AP3B1: variants seen among roughly 807,000 people sequenced by gnomAD.
AP3B1 encodes the protein adaptor related protein complex 3 subunit beta 1, also known as AP-3 complex subunit beta-1.
A neutral mutation model predicts 132.5 loss-of-function variants in AP3B1; 61 were observed. The ratio of observed to expected loss-of-function variants is 0.46; its 90% CI spans 0.37 to 0.57. AP3B1 has a LOEUF of 0.57. AP3B1 is among the 20% of genes least tolerant of loss of function. AP3B1 has a pLI of 0.00. For synonymous variants in AP3B1, 388 were observed against 438.3 expected (o/e 0.89, Z 1.43); for missense variants, 1,120 against 1,289.4 (o/e 0.87, Z 2.01).
chr5:78,100,870 G>A (rs1242624884), intron 21 of AP3B1, 83 bp downstream of exon 21: 1 of 771,748 alleles, frequency 1.3e-6, no homozygotes, highest in Non-Finnish European at 2.1e-6. Context: ...GATATATTTT[G>A]GGACATGTAA....
chr5:78,180,065 T>C (rs957741425), intron 8 of AP3B1, among the ~76,000 whole-genome samples: 2 of 152,132 alleles, frequency 1.3e-5, no homozygotes, highest in Non-Finnish European at 2.9e-5. Flanking sequence ...CAGCTTAAGA[T>C]GGCAAATTAC....
intron 11 of AP3B1, among the ~76,000 whole-genome samples, chr5:78,169,274 C>A (rs543593304): frequency 6.6e-6 from 1 of 152,070 alleles, no homozygotes; most frequent in Non-Finnish European, 1.5e-5. Context: ...CTACTCTAAC[C>A]CTTCGACCTC....
chr5:78,195,588 G>A (rs1399756702), intron 7 of AP3B1, among the ~76,000 whole-genome samples: 1 of 152,184 alleles, frequency 6.6e-6, no homozygotes, highest in African/African-American at 2.4e-5. Context: ...GGGAAGCTGA[G>A]GAGGGCAGAT....
intron 1 of AP3B1, 153 bp downstream of exon 1, chr5:78,294,298 AC>A: frequency 9.5e-7 from 1 of 1,047,144 alleles, no homozygotes; most frequent in Non-Finnish European, 1.4e-6. Context: ...CCGCCAACCA[AC>A]CCCACCTACC....
intron 2 of AP3B1, among the ~76,000 whole-genome samples, chr5:78,261,715 C>G (rs992180193): frequency 6.6e-6 from 1 of 151,544 alleles, no homozygotes; most frequent in African/African-American, 2.4e-5. Flanking sequence ...ATCTGCCCAC[C>G]TCGGCCTCCC....
chr5:78,188,168 CATGGACA>C (rs1744680868), intron 7 of AP3B1, among the ~76,000 whole-genome samples: 1 of 152,156 alleles, frequency 6.6e-6, no homozygotes, highest in Non-Finnish European at 1.5e-5. Context: ...AGGACATCAG[CATGGACA>C]AAGACTTTAT....
intron 15 of AP3B1, among the ~76,000 whole-genome samples, chr5:78,130,479 A>G (rs912470154): frequency 2.0e-5 from 3 of 152,180 alleles, no homozygotes; most frequent in Admixed American, 2.0e-4. Flanking sequence ...AAAAGGATTA[A>G]CCCAGTTTTA....
rs568446107 is a variant in AP3B1, at chr5:78,087,193, T to A, written c.2577+2200A>T. Among the ~76,000 whole-genome samples, 9 of 152,342 alleles carry A rather than the reference T, an allele frequency of 5.9e-5. No individual in the cohort carries two copies. In the South Asian group the frequency reaches 1.9e-3, roughly 32 times the overall value. On this transcript the variant is annotated intron_variant, in intron 22 of 26. Coordinates refer to ENST00000255194, the MANE Select transcript of AP3B1 (RefSeq NM_003664.5). Reference sequence around the variant, plus strand: ...AATTATAGATGTACTCTATCATCTATGAACTTCATTTCAGGATCCAAAAAA... The same window carrying A: ...AATTATAGATGTACTCTATCATCTAAGAACTTCATTTCAGGATCCAAAAAA...
intron 26 of AP3B1, among the ~76,000 whole-genome samples, chr5:78,007,190 C>T (rs930876455): frequency 2.0e-5 from 3 of 152,162 alleles, no homozygotes; most frequent in Admixed American, 6.5e-5. Flanking sequence ...TTAACATTAA[C>T]GGTACAGCAT....
At chr5:78,251,891 G>T (rs1388843133) in intron 2 of AP3B1, among the ~76,000 whole-genome samples, 1 of 152,182 alleles carries the variant, frequency 6.6e-6, no homozygotes. Context: ...CTAACCCCAG[G>T]TTGCACAGCT....
chr5:78,039,177 G>C lies in AP3B1; in HGVS notation c.2675C>G (p.Pro892Arg), dbSNP rs1282645145. The change falls in exon 23 of 27, where the codon CCT becomes CGT. Residue 892 changes from proline to arginine, a missense_variant. Pro to Arg is a moderately radical substitution (Grantham distance 103). Coordinates refer to ENST00000255194, the MANE Select transcript of AP3B1 (RefSeq NM_003664.5). ...LAAHYFFPRQ[P>R]CIFGDKMVSI... ...GACCATCTTATCACCAAAAATGCAA[G>C]GCTGTCTTGGAAAGAAATAATGGGC... The C allele has an allele frequency of 6.2e-7, 1 of 1,613,866 alleles. No homozygotes were observed. The highest frequency in any genetic ancestry group is 1.3e-5 in the African/African-American group (1 of 74,874).
intron 22 of AP3B1, among the ~76,000 whole-genome samples, chr5:78,072,410 T>C (rs989919999): frequency 1.5e-4 from 23 of 152,174 alleles, no homozygotes; most frequent in Non-Finnish European, 3.1e-4. Context: ...TTAGAGATAA[T>C]CACAATTCAA....
chr5:78,130,301 C>A (rs1752633445), intron 15 of AP3B1, among the ~76,000 whole-genome samples: 1 of 151,736 alleles, frequency 6.6e-6, no homozygotes, highest in Non-Finnish European at 1.5e-5. Flanking sequence ...AGATTTTATG[C>A]ACATTAGAAG....
At chr5:78,247,327 T>C (rs1747420678) in intron 2 of AP3B1, among the ~76,000 whole-genome samples, 1 of 149,572 alleles carries the variant, frequency 6.7e-6, no homozygotes, top group African/African-American at 2.4e-5. Flanking sequence ...AAAGAATGTA[T>C]ATTTCGCTAC....
At chr5:78,174,791 G>A (rs981697254) in intron 11 of AP3B1, among the ~76,000 whole-genome samples, 1 of 152,256 alleles carries the variant, frequency 6.6e-6, no homozygotes, top group Non-Finnish European at 1.5e-5. Context: ...GTCTGCAGTT[G>A]TCTGCTGCCT....
At chr5:78,118,353 C>T (rs905774857) in intron 17 of AP3B1, among the ~76,000 whole-genome samples, 18 of 152,222 alleles carry the variant, frequency 1.2e-4, no homozygotes, top group South Asian at 4.1e-4. Context: ...GCGCACTGTG[C>T]GCAAGCCGGA....
At chr5:78,278,427 G>A (rs1344450792) in intron 1 of AP3B1, among the ~76,000 whole-genome samples, 3 of 92,260 alleles carry the variant, frequency 3.3e-5, no homozygotes, top group South Asian at 3.6e-4. Flanking sequence ...GTGAAACCCC[G>A]TCTCTACTAA....
In AP3B1 at chr5:78,018,976, C is replaced by T. The variant is rs948007022; in HGVS notation, c.2992+1716G>A. Among the ~76,000 whole-genome samples, 4 of 152,046 alleles carry T rather than the reference C, an allele frequency of 2.6e-5. No individual in the cohort carries two copies. The South Asian group carries it at 6.2e-4, about 24-fold the overall frequency. Reference sequence around the variant, plus strand: ...TGCTAAATTTGCCAGCATCAAGTTCCACATCAAAGAATGAATTCAGGAAGA... The same window carrying T: ...TGCTAAATTTGCCAGCATCAAGTTCTACATCAAAGAATGAATTCAGGAAGA... On this transcript the variant is annotated intron_variant, in intron 25 of 26. Coordinates refer to ENST00000255194, the MANE Select transcript of AP3B1 (RefSeq NM_003664.5).
chr5:78,118,908 A>C (rs1000193369), intron 17 of AP3B1, among the ~76,000 whole-genome samples: 55 of 152,196 alleles, frequency 3.6e-4, no homozygotes, highest in African/African-American at 1.3e-3. Context: ...AAGCAGCCTA[A>C]CTGGGAGGCA....
Sources: allele counts gnomAD v4.1 joint callset (sites outside exome capture counted in the v4.1 genomes callset), GRCh38; gene constraint gnomAD v4.1.1; transcripts MANE v1.5; gene names NCBI Gene and HGNC (gene_info 2026-07-23, HGNC 2026-07-21).